Variants in HSD17B4 observed in about 807,000 individuals in gnomAD.
HSD17B4 encodes the protein hydroxysteroid 17-beta dehydrogenase 4.
In HSD17B4, 70 loss-of-function variants were observed where a neutral mutation model predicts 101.0. That is an observed-to-expected ratio of 0.69 (90% CI 0.57 to 0.85). The LOEUF (loss-of-function observed/expected upper bound fraction) is 0.85, where lower values mean the gene tolerates loss of function less well. HSD17B4 is among the 40% of genes least tolerant of loss of function. The pLI, the probability that HSD17B4 is intolerant of heterozygous loss-of-function variation, is 0.00. For synonymous variants in HSD17B4, 347 were observed against 297.1 expected, an observed-to-expected ratio of 1.17 and a Z score of -1.73; for missense variants, 984 against 892.4, an observed-to-expected ratio of 1.10 and a Z score of -1.31.
At chr5:119,457,848 G>GATATACTTTTCT (rs1279382238) in intron 2 of HSD17B4, among the ~76,000 whole-genome samples, 1 of 152,066 alleles carries the variant, frequency 6.6e-6, no homozygotes, top group African/African-American at 2.4e-5. Flanking sequence ...TTTTATTGTT[G>GATATACTTTTCT]ATATACTTTT....
chr5:119,525,588 GA>G, intron 18 of HSD17B4: 1 of 512,132 alleles, frequency 2.0e-6, no homozygotes, highest in Non-Finnish European at 3.5e-6. Context: ...GCAAGGAACT[GA>G]AAGGTTAGGG....
intron 17 of HSD17B4, among the ~76,000 whole-genome samples, chr5:119,523,868 C>T (rs749508930): frequency 7.2e-5 from 11 of 152,072 alleles, no homozygotes; most frequent in East Asian, 1.9e-4. Flanking sequence ...ATTGAGGCTT[C>T]GAATGGTGAA....
At chr5:119,479,845 A>G (rs1748955438) in intron 8 of HSD17B4, among the ~76,000 whole-genome samples, 1 of 152,146 alleles carries the variant, frequency 6.6e-6, no homozygotes, top group African/African-American at 2.4e-5. Flanking sequence ...TAAGTCGTGT[A>G]AATACCATGG....
At chr5:119,481,320 G>A (rs1372383383) in intron 8 of HSD17B4, among the ~76,000 whole-genome samples, 4 of 152,204 alleles carry the variant, frequency 2.6e-5, no homozygotes, top group Middle Eastern at 3.4e-3. Flanking sequence ...GGTTTCAGCC[G>A]GTCTCTCTGT....
chr5:119,457,048 G>A (rs1754749332), intron 2 of HSD17B4, among the ~76,000 whole-genome samples: 1 of 152,136 alleles, frequency 6.6e-6, no homozygotes, highest in Admixed American at 6.5e-5. Flanking sequence ...TTGTGGAGGG[G>A]TCAGATGGAA....
At chr5:119,516,034 A>T (rs537545298) in intron 17 of HSD17B4, among the ~76,000 whole-genome samples, 20 of 152,296 alleles carry the variant, frequency 1.3e-4, no homozygotes, top group African/African-American at 4.6e-4. Context: ...TTTTTTTGGT[A>T]TGTTTGATAT....
At chr5:119,472,945 A>G (rs2126677984) in intron 2 of HSD17B4, among the ~76,000 whole-genome samples, 1 of 152,280 alleles carries the variant, frequency 6.6e-6, no homozygotes, top group East Asian at 1.9e-4. Context: ...ATTATCACAT[A>G]TTGCAGTATT....
At chr5:119,465,761 A>T (rs1172810010) in intron 2 of HSD17B4, among the ~76,000 whole-genome samples, 1 of 152,206 alleles carries the variant, frequency 6.6e-6, no homozygotes, top group East Asian at 1.9e-4. Flanking sequence ...GGATTGTGTC[A>T]TCTGTAAACA....
chr5:119,531,681 T>A (rs1754129348), intron 22 of HSD17B4, among the ~76,000 whole-genome samples: 1 of 151,988 alleles, frequency 6.6e-6, no homozygotes, highest in African/African-American at 2.4e-5. Context: ...TTGAAAGTAG[T>A]TTAAACAGTC....
chr5:119,540,438 C>T (rs543756086), intron 23 of HSD17B4, among the ~76,000 whole-genome samples: 5 of 152,144 alleles, frequency 3.3e-5, no homozygotes, highest in African/African-American at 7.2e-5. Context: ...CAAAATTCTT[C>T]TGCTCAAAAA....
chr5:119,509,464 T>C, intron 16 of HSD17B4: 1 of 678,020 alleles, frequency 1.5e-6, no homozygotes, highest in South Asian at 1.5e-5. Context: ...GATGAAGACC[T>C]TTATGATGAT....
intron 22 of HSD17B4, 146 bp from the exon 23 acceptor site, chr5:119,536,277 T>C (rs1225775063): frequency 1.4e-6 from 1 of 735,540 alleles, no homozygotes; most frequent in Non-Finnish European, 2.3e-6. Context: ...TGACAGATAA[T>C]GTATAATTGA....
chr5:119,476,023 T>G, intron 6 of HSD17B4, 153 bp downstream of exon 6: 1 of 643,568 alleles, frequency 1.6e-6, no homozygotes, highest in Non-Finnish European at 2.8e-6. Flanking sequence ...AGACAATGAA[T>G]AGTTAGAAGT....
At chr5:119,524,765 A>G (rs1473023763) in intron 17 of HSD17B4, among the ~76,000 whole-genome samples, 1 of 152,140 alleles carries the variant, frequency 6.6e-6, no homozygotes, top group Non-Finnish European at 1.5e-5. Flanking sequence ...TACCAGCAGA[A>G]TGAAAGTTAG....
At chr5:119,518,980 A>G (rs1457182680) in intron 17 of HSD17B4, among the ~76,000 whole-genome samples, 1 of 152,014 alleles carries the variant, frequency 6.6e-6, no homozygotes. Flanking sequence ...TAATAATAAT[A>G]ATAAAAAAAT....
chr5:119,464,334 G>A (rs914365236), intron 2 of HSD17B4, among the ~76,000 whole-genome samples: 8 of 152,082 alleles, frequency 5.3e-5, no homozygotes, highest in Admixed American at 6.5e-5. Context: ...TTATGTTTAG[G>A]TTTTTAATAA....
chr5:119,532,677 C>A (rs748215356), intron 22 of HSD17B4, among the ~76,000 whole-genome samples: 46 of 151,970 alleles, frequency 3.0e-4, no homozygotes, highest in Non-Finnish European at 6.2e-4. Flanking sequence ...GTAGTAAACC[C>A]TTTGAATCCT....
rs773126356 is a variant in HSD17B4, at chr5:119,541,893, C to A, written c.2122-12C>A. 2 of 1,566,818 alleles carry A rather than the reference C, an allele frequency of 1.3e-6. No homozygotes were observed. Among genetic ancestry groups the A allele is most frequent in the Non-Finnish European group, 1.8e-6 (2 of 1,137,626 alleles). On this transcript the variant is annotated splice_polypyrimidine_tract_variant and intron_variant, in intron 23 of 23. Transcript: ENST00000510025. ...TAACAGTTGGCACTCTTTTTCCCTC[C>A]TCTCCTTGCAGGCATTCTTTAGTGG...
intron 2 of HSD17B4, among the ~76,000 whole-genome samples, chr5:119,457,251 G>T (rs1252044736): frequency 6.6e-6 from 1 of 152,178 alleles, no homozygotes; most frequent in Non-Finnish European, 1.5e-5. Flanking sequence ...CATATTTCCT[G>T]GGATAAAACT....
Sources: allele counts gnomAD v4.1 joint callset (sites outside exome capture counted in the v4.1 genomes callset), GRCh38; gene constraint gnomAD v4.1.1; transcripts MANE v1.5; gene names NCBI Gene and HGNC (gene_info 2026-07-23, HGNC 2026-07-21).